Variants in HIVEP3 observed in about 807,000 individuals in gnomAD.
HIVEP3 encodes the protein transcription factor HIVEP3.
In HIVEP3, 49 loss-of-function variants were observed where a neutral mutation model predicts 152.8. That is an observed-to-expected ratio of 0.32 (90% CI 0.26 to 0.41). The LOEUF (loss-of-function observed/expected upper bound fraction) is 0.41. HIVEP3 is among the 10% of genes least tolerant of loss of function. The pLI, the probability that HIVEP3 is intolerant of heterozygous loss-of-function variation, is 1.00. For synonymous variants in HIVEP3, 1,269 were observed against 1,289.0 expected (o/e 0.98, Z 0.33); for missense variants, 2,790 against 3,103.3 (o/e 0.90, Z 2.40).
chr1:41,617,947 C>T (rs955403859), intron 3 of HIVEP3, among the ~76,000 whole-genome samples: 1 of 152,210 alleles, frequency 6.6e-6, no homozygotes, highest in African/African-American at 2.4e-5. Context: ...GCTCACATGT[C>T]ATTGGGTGTG....
intron 1 of HIVEP3, among the ~76,000 whole-genome samples, chr1:41,776,865 G>A (rs965383344): frequency 4.6e-5 from 7 of 152,194 alleles, no homozygotes; most frequent in Non-Finnish European, 1.5e-5. Flanking sequence ...TCTTACAGCA[G>A]ATCTTCACTG....
At chr1:41,532,248 C>G (rs1484648509) in intron 5 of HIVEP3, among the ~76,000 whole-genome samples, 2 of 134,636 alleles carry the variant, frequency 1.5e-5, no homozygotes, top group Admixed American at 1.5e-4. Flanking sequence ...AGATGGAGGA[C>G]AGGAGAGAAG....
intron 5 of HIVEP3, among the ~76,000 whole-genome samples, chr1:41,567,988 C>T (rs1017260385): frequency 1.3e-5 from 2 of 152,220 alleles, no homozygotes; most frequent in African/African-American, 4.8e-5. Context: ...AGTTCAGGGA[C>T]CTGCCCTCTC....
intron 2 of HIVEP3, among the ~76,000 whole-genome samples, chr1:41,651,311 T>A (rs903002199): frequency 3.3e-5 from 5 of 149,970 alleles, no homozygotes; most frequent in African/African-American, 1.2e-4. Flanking sequence ...CTTGGGAGGC[T>A]GAGGCAGGAG....
At chr1:41,780,583 C>A (rs1648984942) in intron 1 of HIVEP3, among the ~76,000 whole-genome samples, 1 of 152,196 alleles carries the variant, frequency 6.6e-6, no homozygotes, top group Non-Finnish European at 1.5e-5. Context: ...GACATCCCTG[C>A]AGGAGGCTCT....
chr1:41,689,082 G>A (rs1646156272), intron 2 of HIVEP3, among the ~76,000 whole-genome samples: 1 of 152,212 alleles, frequency 6.6e-6, no homozygotes, highest in Admixed American at 6.5e-5. Context: ...ACTTACAAGT[G>A]TTTACTTACC....
At chr1:41,760,127 C>T (rs908561333) in intron 1 of HIVEP3, among the ~76,000 whole-genome samples, 8 of 152,166 alleles carry the variant, frequency 5.3e-5, no homozygotes, top group Non-Finnish European at 8.8e-5. Context: ...ACCCCATGAT[C>T]ACACCTGTGA....
chr1:41,634,088 T>C (rs1645235594), intron 2 of HIVEP3, among the ~76,000 whole-genome samples: 1 of 149,666 alleles, frequency 6.7e-6, no homozygotes, highest in Non-Finnish European at 1.5e-5. Context: ...AAGTATAAAA[T>C]AGTGTGACAC....
chr1:41,793,144 C>A (rs539116068), intron 1 of HIVEP3, among the ~76,000 whole-genome samples: 1 of 152,310 alleles, frequency 6.6e-6, no homozygotes, highest in Admixed American at 6.5e-5. Flanking sequence ...TCACATGCCA[C>A]CACAAAGACT....
chr1:41,619,405 A>G (rs114641072), intron 3 of HIVEP3, among the ~76,000 whole-genome samples: 1,685 of 152,290 alleles, frequency 0.011, 43 homozygotes, highest in African/African-American at 0.039. Context: ...TTTTACATAC[A>G]CTTATGTTTT....
chr1:41,996,571 T>C (rs80006345), intron 1 of HIVEP3, among the ~76,000 whole-genome samples: 2,149 of 152,148 alleles, frequency 0.014, 49 homozygotes, highest in African/African-American at 0.049. Flanking sequence ...TCTCATAGTA[T>C]GGTAGCTGGA....
At chr1:41,977,280 C>T (rs1168309358) in intron 1 of HIVEP3, among the ~76,000 whole-genome samples, 3 of 152,168 alleles carry the variant, frequency 2.0e-5, no homozygotes, top group Non-Finnish European at 4.4e-5. Context: ...TATTACCTTC[C>T]ATGGCTCCTC....
At chr1:42,028,775 A>G (rs1452483865) in intron 1 of HIVEP3, among the ~76,000 whole-genome samples, 2 of 152,216 alleles carry the variant, frequency 1.3e-5, no homozygotes, top group East Asian at 1.9e-4. Flanking sequence ...GAGAATATAT[A>G]TAACTTCTAC....
At chr1:41,673,021 A>G (rs768945268) in intron 2 of HIVEP3, among the ~76,000 whole-genome samples, 1 of 152,274 alleles carries the variant, frequency 6.6e-6, no homozygotes, top group South Asian at 2.1e-4. Context: ...ATGTAAAGCC[A>G]GGCCACATTT....
At chr1:41,540,511 A>G (rs1360265050) in intron 5 of HIVEP3, among the ~76,000 whole-genome samples, 1 of 152,156 alleles carries the variant, frequency 6.6e-6, no homozygotes, top group Non-Finnish European at 1.5e-5. Context: ...AGTTACTCCA[A>G]TCTGGAAAGG....
At chr1:41,803,377 T>C (rs1475043439) in intron 1 of HIVEP3, among the ~76,000 whole-genome samples, 1 of 152,188 alleles carries the variant, frequency 6.6e-6, no homozygotes, top group African/African-American at 2.4e-5. Context: ...CCAATCATGC[T>C]TCCTGCACTG....
At chr1:41,695,477 G>C (rs897488685) in intron 2 of HIVEP3, among the ~76,000 whole-genome samples, 8 of 152,218 alleles carry the variant, frequency 5.3e-5, no homozygotes, top group African/African-American at 1.9e-4. Flanking sequence ...GCCTGGCCCA[G>C]TGTAGGCCCC....
At chr1:41,624,295 G>T (rs1645086293) in intron 3 of HIVEP3, among the ~76,000 whole-genome samples, 1 of 152,236 alleles carries the variant, frequency 6.6e-6, no homozygotes, top group Non-Finnish European at 1.5e-5. Flanking sequence ...AAGTGTTTCA[G>T]AGGCTCTCCA....
chr1:41,886,006 AG>A (rs770454298), intron 1 of HIVEP3, among the ~76,000 whole-genome samples: 2 of 152,212 alleles, frequency 1.3e-5, no homozygotes, highest in Admixed American at 1.3e-4. Context: ...GGGCCCTGCC[AG>A]CATGGACCCC....
Sources: gnomAD v4.1 joint callset for allele counts (sites outside exome capture counted in the v4.1 genomes callset) on GRCh38, gnomAD v4.1.1 for gene constraint, MANE v1.5 for transcripts, NCBI Gene and HGNC (gene_info 2026-07-23, HGNC 2026-07-21) for gene names.